ABR: variants seen among roughly 807,000 people sequenced by gnomAD.
The protein encoded by ABR is ABR activator of RhoGEF and GTPase, also known as active breakpoint cluster region-related protein.
Under a neutral mutation model 107.2 loss-of-function variants are expected in ABR, and 35 were observed. The observed-to-expected ratio is 0.33, with a 90% confidence interval of 0.25 to 0.43. ABR has a LOEUF of 0.43. Ranked by LOEUF, ABR falls within the 20% of genes least tolerant of loss-of-function variation. The pLI is 1.00. For missense variants in ABR, 815 were observed against 1,115.2 expected (o/e 0.73, Z 3.83); for synonymous variants, 498 against 462.0 (o/e 1.08, Z -1.00).
chr17:1,206,883 G>A (rs184391450), intron 1 of ABR, among the ~76,000 whole-genome samples: 116 of 152,224 alleles, frequency 7.6e-4, no homozygotes, highest in Non-Finnish European at 1.1e-3. Flanking sequence ...CCAGGAGTTC[G>A]AGACCACCCT....
chr17:1,088,177 C>T (rs952273268), intron 4 of ABR, among the ~76,000 whole-genome samples: 13 of 152,080 alleles, frequency 8.5e-5, no homozygotes, highest in South Asian at 2.1e-4. Flanking sequence ...AGCAGATTCA[C>T]GGCCAGGCCT....
upstream of ABR, among the ~76,000 whole-genome samples, chr17:1,188,083 C>T (rs377532757): frequency 4.7e-4 from 71 of 151,844 alleles, no homozygotes; most frequent in African/African-American, 1.7e-3. Flanking sequence ...GACATGGTGG[C>T]GGGCATCTGT....
intron 2 of ABR, chr17:1,109,153 G>T: frequency 1.3e-5 from 17 of 1,274,284 alleles, no homozygotes; most frequent in Non-Finnish European, 1.7e-5. Context: ...AGGCGGGCGG[G>T]AGGGGGGGCA....
chr17:1,174,027 A>G (rs530193762), intron 1 of ABR, among the ~76,000 whole-genome samples: 1 of 152,360 alleles, frequency 6.6e-6, no homozygotes, highest in East Asian at 1.9e-4. Flanking sequence ...ATTGTCCCAG[A>G]AAGCAGATCA....
intron 1 of ABR, among the ~76,000 whole-genome samples, chr17:1,165,208 G>A (rs1036499646): frequency 1.3e-5 from 2 of 152,224 alleles, no homozygotes; most frequent in African/African-American, 4.8e-5. Context: ...CCACAGAACC[G>A]GGCCCTGGAG....
At chr17:1,178,936 C>T (rs2042016919) in intron 1 of ABR, among the ~76,000 whole-genome samples, 1 of 151,844 alleles carries the variant, frequency 6.6e-6, no homozygotes, top group Non-Finnish European at 1.5e-5. Flanking sequence ...TCCCCCGGGG[C>T]CATGCAAGAG....
At chr17:1,204,403 C>G (rs1250001225) in intron 1 of ABR, among the ~76,000 whole-genome samples, 2 of 152,234 alleles carry the variant, frequency 1.3e-5, no homozygotes, top group South Asian at 2.1e-4. Flanking sequence ...CGAGATTGCG[C>G]CACTGCGCTC....
At chr17:1,123,340 T>G (rs1398655645) in intron 2 of ABR, among the ~76,000 whole-genome samples, 1 of 152,100 alleles carries the variant, frequency 6.6e-6, no homozygotes, top group Non-Finnish European at 1.5e-5. Flanking sequence ...CTCTAGCATC[T>G]CTGGATTTCA....
At chr17:1,195,423 G>A (rs981876177) in intron 1 of ABR, among the ~76,000 whole-genome samples, 1 of 151,652 alleles carries the variant, frequency 6.6e-6, no homozygotes, top group African/African-American at 2.4e-5. Context: ...CTGCTACAGT[G>A]ATTAACTAGT....
chr17:1,227,182 T>A (rs1414962407), intron 1 of ABR, among the ~76,000 whole-genome samples: 2 of 152,190 alleles, frequency 1.3e-5, no homozygotes, highest in African/African-American at 2.4e-5. Flanking sequence ...CTAACGTGCA[T>A]CAAGGTGCCC....
intron 1 of ABR, among the ~76,000 whole-genome samples, chr17:1,202,951 A>G (rs2042698249): frequency 6.8e-6 from 1 of 146,382 alleles, no homozygotes; most frequent in African/African-American, 2.5e-5. Flanking sequence ...CAGTGGTGTG[A>G]TCTCGGTTCA....
Position 1,050,894 on chromosome 17 carries a change from A to T in ABR, c.1562-260T>A, listed in dbSNP as rs1252063641. On this transcript the variant is annotated intron_variant, in intron 14 of 22. Transcript: ENST00000302538. This position sits in a 1 kb window ranked among gnomAD's most constrained non-coding sequence, Gnocchi z 4.6. ...GCCCTCCCCACACTCTGCCCTTCCC[A>T]CCTCGGCCCTCCCCACACTCTGCCC... is the stretch of plus-strand genomic sequence containing the variant. Among the ~76,000 whole-genome samples, 1 of 124,010 alleles carries T rather than the reference A, an allele frequency of 8.1e-6. No homozygotes were observed. The highest frequency in any genetic ancestry group is 1.7e-5 in the Non-Finnish European group (1 of 58,500). 81.4% of individuals were successfully genotyped at this position (124,010 alleles called of 152,430 possible).
In ABR at chr17:1,179,497, C is replaced by A. The variant is rs2042044221; in HGVS notation, c.61+170G>T. 6.6e-6 allele frequency among the ~76,000 whole-genome samples: 1 copy of A among 151,366 alleles called. No individual in the cohort carries two copies. The highest frequency in any genetic ancestry group is 1.5e-5 in the Non-Finnish European group (1 of 67,746). Reference sequence around the variant, plus strand: ...CCCGACCCCGATCCCGATTCCCAACCCGACCCCGATCCGGACCCCGATCTC... The same window carrying A: ...CCCGACCCCGATCCCGATTCCCAACACGACCCCGATCCGGACCCCGATCTC... On this transcript the variant is annotated intron_variant, in intron 1 of 22. Transcript: ENST00000302538. The surrounding 1 kb of genome is among the most constrained non-coding windows in gnomAD (Gnocchi z 4.9).
chr17:1,195,887 AGATCACTTGAGGTCAGG>A (rs1185605747), intron 1 of ABR, among the ~76,000 whole-genome samples: 5 of 149,650 alleles, frequency 3.3e-5, no homozygotes, highest in Non-Finnish European at 5.9e-5. Flanking sequence ...TTGTGGGGAG[AGATCACTTGAGGTCAGG>A]GATCACTTGA....
intron 4 of ABR, among the ~76,000 whole-genome samples, chr17:1,090,930 G>A (rs1333036720): frequency 6.6e-6 from 1 of 152,148 alleles, no homozygotes; most frequent in African/African-American, 2.4e-5. Flanking sequence ...TCCTCCAGGG[G>A]ACACAGCCAG....
chr17:1,083,704 G>C, intron 4 of ABR, 77 bp from the exon 5 acceptor site: 1 of 1,174,062 alleles, frequency 8.5e-7, no homozygotes, highest in Non-Finnish European at 1.3e-6. Context: ...AAAGCTTCAC[G>C]GAGCACCGGG....
At chr17:1,159,304 A>G (rs1450761632) in intron 1 of ABR, among the ~76,000 whole-genome samples, 2 of 89,242 alleles carry the variant, frequency 2.2e-5, no homozygotes, top group Non-Finnish European at 2.4e-5. Context: ...TGCGGTACTC[A>G]CACACAAGGG....
At chr17:1,212,800 A>C (rs1207503374) in intron 1 of ABR, among the ~76,000 whole-genome samples, 1 of 151,816 alleles carries the variant, frequency 6.6e-6, no homozygotes, top group African/African-American at 2.4e-5. Context: ...GAGACAGGAG[A>C]ATCGCTTGAG....
At chr17:1,033,281 C>T (rs2072943851) in intron 16 of ABR, among the ~76,000 whole-genome samples, 1 of 152,232 alleles carries the variant, frequency 6.6e-6, no homozygotes, top group South Asian at 2.1e-4. Context: ...GGCTTCCCTG[C>T]AGAGACAGCC....
Sources: allele counts gnomAD v4.1 joint callset (sites outside exome capture counted in the v4.1 genomes callset), GRCh38; gene constraint gnomAD v4.1.1; non-coding constraint Gnocchi (gnomAD v3.1); transcripts MANE v1.5; gene names NCBI Gene and HGNC (gene_info 2026-07-23, HGNC 2026-07-21).